Variants in SLC66A2 observed in about 807,000 individuals in gnomAD.
SLC66A2 encodes PQ loop repeat containing 1.
In SLC66A2, 23 loss-of-function variants were observed where a neutral mutation model predicts 25.5. The observed-to-expected ratio is 0.90, with a 90% CI of 0.65 to 1.28. SLC66A2 has a LOEUF of 1.28. Ranked by LOEUF, SLC66A2 falls within the 50% of genes most tolerant of loss-of-function variation. The probability of loss-of-function intolerance (pLI) is 0.00; values close to 1 mark genes in which losing one functional copy is unlikely to be tolerated. For synonymous variants in SLC66A2, 193 were observed against 166.5 expected (o/e 1.16, Z -1.23); for missense variants, 396 against 373.1 (o/e 1.06, Z -0.51).
Position 79,950,822 on chromosome 18 carries a change from C to T in SLC66A2, c.105G>A (p.Pro35=). The T allele has an allele frequency of 6.2e-7, 1 of 1,612,716 alleles. No individual in the cohort carries two copies. Among genetic ancestry groups the T allele is most frequent in the Non-Finnish European group, 8.5e-7 (1 of 1,179,846 alleles). ...GCGTCCTGCGAATGTCCCGATACTGCGGGACGTAGGGCACCACCCCTCCGA... is the reference window on the plus strand; with the variant it reads ...GCGTCCTGCGAATGTCCCGATACTGTGGGACGTAGGGCACCACCCCTCCGA... ...MVFGGVVPYV[P]QYRDIRRTQN... The change falls in exon 2 of 6, where the codon CCG becomes CCA. Residue 35 remains proline, a synonymous_variant. Coordinates refer to ENST00000397778, the MANE Select transcript of SLC66A2 (RefSeq NM_025078.5).
In SLC66A2 at chr18:79,951,649, A is replaced by C. The variant is rs902926443; in HGVS notation, c.-168T>G. 7.3e-5 allele frequency: 11 copies of C among 151,604 alleles called. No individual in the cohort carries two copies. The highest frequency in any genetic ancestry group is 1.9e-4 in the African/African-American group (8 of 41,296). The allele number at this position is 151,604 out of a possible 1,614,324, so 9.4% of individuals were successfully genotyped here. ...GCTGACCCGCGCGCGTCTCGGCGTCAGTCCGCTCAGGCGCCGGGAAACCCC... is the reference window on the plus strand; with the variant it reads ...GCTGACCCGCGCGCGTCTCGGCGTCCGTCCGCTCAGGCGCCGGGAAACCCC... On this transcript the variant is annotated 5_prime_UTR_variant, in exon 1 of 6. Transcript: ENST00000397778.
rs954012665 is a variant in SLC66A2 at position 79,918,502 on chromosome 18, G to A, written c.608+682C>T. ...CACCGGGGGGTCCCCAGTGAGGAGC[G>A]GGCCTGGGGGTCGAAAGTGTGAGGG... On this transcript the variant is annotated intron_variant, in intron 5 of 5. Coordinates refer to ENST00000397778, the MANE Select transcript of SLC66A2 (RefSeq NM_025078.5). This position sits in a 1 kb window ranked among gnomAD's most constrained non-coding sequence, Gnocchi z 4.0. Among the ~76,000 whole-genome samples the A allele has an allele frequency of 8.5e-5, 13 of 152,118 alleles. No individual in the cohort carries two copies. The highest frequency in any genetic ancestry group is 2.2e-4 in the African/African-American group (9 of 41,486).
intron 5 of SLC66A2, chr18:79,916,089 GGTGCTCTCATACCCGCA>G (rs1984020692): frequency 1.1e-5 from 2 of 183,270 alleles, no homozygotes; most frequent in Non-Finnish European, 2.1e-5. Flanking sequence ...CCGTACCCAC[GGTGCTCTCATACCCGCA>G]GTGCTCCCGT....
chr18:79,905,970 G>A (rs954995171), intron 5 of SLC66A2, among the ~76,000 whole-genome samples: 4 of 152,152 alleles, frequency 2.6e-5, no homozygotes, highest in Non-Finnish European at 4.4e-5. Context: ...TCATAGATAC[G>A]GGTTATCTAC....
Position 79,903,845 on chromosome 18 carries a change from A to T in SLC66A2, c.*131T>A. On this transcript the variant is annotated 3_prime_UTR_variant, in exon 6 of 6. Transcript: ENST00000397778. ...ACCCTGAGACACCCCACAGAGGCTGATGGAGACCCCAATGCCCATGCCCCA... is the reference window on the plus strand; with the variant it reads ...ACCCTGAGACACCCCACAGAGGCTGTTGGAGACCCCAATGCCCATGCCCCA... 1.0e-5 allele frequency: 7 copies of T among 695,300 alleles called. No homozygotes were observed. Among genetic ancestry groups the T allele is most frequent in the African/African-American group, 1.8e-5 (1 of 54,360 alleles). The allele number at this position is 695,300 out of a possible 1,614,324, so 43.1% of individuals were successfully genotyped here. A position where few individuals can be genotyped will look rare whatever the true frequency, so the allele number is the denominator to read the frequency against.
At chr18:79,933,907 T>C in intron 4 of SLC66A2, 62 bp downstream of exon 4, 1 of 1,433,374 alleles carries the variant, frequency 7.0e-7, no homozygotes, top group South Asian at 1.2e-5. Context: ...CAGGAGGAAG[T>C]ACAGCTGCAG....
chr18:79,931,853 A>C (rs953491575), intron 4 of SLC66A2, among the ~76,000 whole-genome samples: 1 of 152,068 alleles, frequency 6.6e-6, no homozygotes, highest in Admixed American at 6.6e-5. Flanking sequence ...GTCTCTACAA[A>C]AAATACAAAA....
chr18:79,921,630 TCAAGGTCAGTGAGGAGAGACA>T, intron 4 of SLC66A2, among the ~76,000 whole-genome samples: 1 of 4,172 alleles, frequency 2.4e-4, no homozygotes. Context: ...GAGGGAGAGG[TCAAGGTCAGTGAGGAGAGACA>T]GGAACCGAGT....
chr18:79,948,874 G>A (rs2051020688), intron 2 of SLC66A2, among the ~76,000 whole-genome samples: 1 of 152,140 alleles, frequency 6.6e-6, no homozygotes, highest in East Asian at 1.9e-4. Flanking sequence ...CCCACAACAT[G>A]CACTCAAAGT....
chr18:79,936,817 G>A (rs1599627222), intron 3 of SLC66A2, among the ~76,000 whole-genome samples: 1 of 152,152 alleles, frequency 6.6e-6, no homozygotes, highest in African/African-American at 2.4e-5. Context: ...CGTTCCCAGC[G>A]GGAAGTGTCC....
rs894078803 is a variant in SLC66A2, at chr18:79,941,410, T to G, written c.337+1919A>C. The G allele has an allele frequency of 4.6e-5, 7 of 152,182 alleles. No individual in the cohort carries two copies. The highest frequency in any genetic ancestry group is 1.7e-4 in the African/African-American group (7 of 41,400). The allele number at this position is 152,182 out of a possible 1,614,324, so 9.4% of individuals were successfully genotyped here. On this transcript the variant is annotated intron_variant, in intron 3 of 5. Transcript: ENST00000397778. The surrounding 1 kb of genome is among the most constrained non-coding windows in gnomAD (Gnocchi z 4.1). ...AGTGGCACGTCACAGGTTCCCAGGA[T>G]CAGGGCACGGACGTCTCCAGGGGCC...
Position 79,939,591 on chromosome 18 carries a change from AAAG to A in SLC66A2, c.337+3735_337+3737del, listed in dbSNP as rs1029787271. ...GGGCAAAGGACATGAACACTTTTCA[AAAG>A]AAGACATACATGCGGCCAACAAGCG... On this transcript the variant is annotated intron_variant, in intron 3 of 5. Transcript: ENST00000397778. Among the ~76,000 whole-genome samples, 98 of 152,262 alleles carry A rather than the reference AAAG, an allele frequency of 6.4e-4. 1 individual carries two copies. The highest frequency in any genetic ancestry group is 2.2e-3 in the African/African-American group (92 of 41,468).
At chr18:79,930,857 T>C (rs1986498143) in intron 4 of SLC66A2, among the ~76,000 whole-genome samples, 1 of 152,188 alleles carries the variant, frequency 6.6e-6, no homozygotes, top group Admixed American at 6.5e-5. Flanking sequence ...ATAAAATGTA[T>C]ATAAAGGAAC....
chr18:79,946,454 G>C (rs1239179058), intron 2 of SLC66A2, among the ~76,000 whole-genome samples: 2 of 152,258 alleles, frequency 1.3e-5, no homozygotes, highest in East Asian at 1.9e-4. Context: ...TCCTGCCGGA[G>C]GGCGTGACTC....
At position 79,919,162 on chromosome 18, in the gene SLC66A2, C is replaced by T. The variant is rs758653160; in HGVS notation, c.608+22G>A. The T allele has an allele frequency of 5.7e-5, 91 of 1,605,798 alleles. No individual in the cohort carries two copies. The South Asian group carries it at 6.0e-4, about 11-fold the overall frequency. On this transcript the variant is annotated intron_variant, in intron 5 of 5. Coordinates refer to ENST00000397778, the MANE Select transcript of SLC66A2 (RefSeq NM_025078.5). ...GGTGCCTCTGGAGCAGTGGTGCTTC[C>T]GTGGCGGCATCCCCGGCCTACCTCA...
chr18:79,947,547 G>A (rs1045311535), intron 2 of SLC66A2, among the ~76,000 whole-genome samples: 3 of 151,848 alleles, frequency 2.0e-5, no homozygotes, highest in Non-Finnish European at 2.9e-5. Context: ...TGCTCTCCCC[G>A]TCTCCCGCCC....
At chr18:79,916,418 C>G (rs565913125) in intron 5 of SLC66A2, among the ~76,000 whole-genome samples, 1 of 152,328 alleles carries the variant, frequency 6.6e-6, no homozygotes, top group African/African-American at 2.4e-5. Context: ...TGTTCACCTG[C>G]CCAGGCAGGA....
intron 5 of SLC66A2, among the ~76,000 whole-genome samples, chr18:79,914,688 G>C (rs1236582173): frequency 1.3e-5 from 2 of 152,256 alleles, no homozygotes; most frequent in Non-Finnish European, 2.9e-5. Flanking sequence ...CAGCAAGGGG[G>C]GCAGAGGTGG....
chr18:79,912,185 G>GGCAGCAGCGA (rs1983328614), intron 5 of SLC66A2, among the ~76,000 whole-genome samples: 2 of 151,778 alleles, frequency 1.3e-5, no homozygotes, highest in African/African-American at 2.4e-5. Context: ...GGGAGGGGAC[G>GGCAGCAGCGA]GAAAACAGGC....
Sources: gnomAD v4.1 joint callset for allele counts (sites outside exome capture counted in the v4.1 genomes callset) on GRCh38, gnomAD v4.1.1 for gene constraint, Gnocchi (gnomAD v3.1) non-coding constraint, MANE v1.5 for transcripts, NCBI Gene and HGNC (gene_info 2026-07-23, HGNC 2026-07-21) for gene names.